PCDH7: variants seen among roughly 807,000 people sequenced by gnomAD.
PCDH7 encodes protocadherin 7.
In PCDH7, 17 loss-of-function variants were observed where a neutral mutation model predicts 58.9. That is an observed-to-expected ratio of 0.29 (90% confidence interval 0.20 to 0.43). The LOEUF (loss-of-function observed/expected upper bound fraction) is 0.43. PCDH7 is among the 20% of genes least tolerant of loss of function. The probability of loss-of-function intolerance (pLI) is 1.00; values close to 1 mark genes in which losing one functional copy is unlikely to be tolerated. For synonymous variants in PCDH7, 664 were observed against 616.4 expected (o/e 1.08, Z -1.14); for missense variants, 1,274 against 1,441.0 (o/e 0.88, Z 1.88).
intron 2 of PCDH7, among the ~76,000 whole-genome samples, chr4:30,931,823 C>CT (rs59504939): frequency 0.026 from 3,711 of 140,192 alleles, 155 homozygotes; most frequent in African/African-American, 0.087. Flanking sequence ...TTTTTCAGGA[C>CT]TTTTTTTTTT....
chr4:30,767,210 A>G (rs779288197), intron 1 of PCDH7, among the ~76,000 whole-genome samples: 8 of 152,240 alleles, frequency 5.3e-5, no homozygotes, highest in Non-Finnish European at 1.0e-4. Flanking sequence ...ATAGCAGGGT[A>G]TGGATTTGTG....
chr4:30,914,433 T>C (rs991058159), intron 1 of PCDH7, among the ~76,000 whole-genome samples: 2 of 152,190 alleles, frequency 1.3e-5, no homozygotes, highest in Non-Finnish European at 2.9e-5. Context: ...CCAAAATAAC[T>C]GAATAGAGAA....
chr4:30,901,703 T>A (rs1740238422), intron 1 of PCDH7, among the ~76,000 whole-genome samples: 1 of 152,154 alleles, frequency 6.6e-6, no homozygotes, highest in African/African-American at 2.4e-5. Flanking sequence ...GAGTTCAAAC[T>A]GGATGTCTAA....
At chr4:30,920,087 AT>A in intron 1 of PCDH7, 65 bp from the exon 2 acceptor site, 1 of 1,210,592 alleles carries the variant, frequency 8.3e-7, no homozygotes, top group South Asian at 1.3e-5. Context: ...TAATTTATGT[AT>A]TTTTTAAAAT....
intron 3 of PCDH7, among the ~76,000 whole-genome samples, chr4:31,139,805 T>C (rs1020367222): frequency 7.2e-5 from 11 of 152,340 alleles, no homozygotes; most frequent in Admixed American, 1.3e-4. Context: ...ATTATTTTTC[T>C]AAATTTGATG....
intron 1 of PCDH7, among the ~76,000 whole-genome samples, chr4:30,856,892 T>C (rs1733536635): frequency 6.6e-6 from 1 of 151,900 alleles, no homozygotes. Flanking sequence ...AATTGTGAAA[T>C]TGTACACTGA....
intron 3 of PCDH7, among the ~76,000 whole-genome samples, chr4:31,135,840 C>G (rs950677473): frequency 3.3e-5 from 5 of 152,104 alleles, no homozygotes; most frequent in Admixed American, 1.3e-4. Flanking sequence ...GAAGGGGGAA[C>G]AAGATCCTTT....
chr4:30,930,205 G>A (rs1444603719), intron 2 of PCDH7, among the ~76,000 whole-genome samples: 1 of 152,192 alleles, frequency 6.6e-6, no homozygotes, highest in Non-Finnish European at 1.5e-5. Flanking sequence ...GGTTTGAAGG[G>A]TGGAAAAGTA....
chr4:31,105,012 C>T (rs970845029), intron 3 of PCDH7, among the ~76,000 whole-genome samples: 4 of 152,184 alleles, frequency 2.6e-5, no homozygotes, highest in African/African-American at 9.6e-5. Flanking sequence ...TCAAAGACTT[C>T]ATTTGAACTT....
chr4:30,752,118 T>C (rs988322732), intron 1 of PCDH7, among the ~76,000 whole-genome samples: 3 of 152,102 alleles, frequency 2.0e-5, no homozygotes, highest in Non-Finnish European at 1.5e-5. Flanking sequence ...TCTTTATTAC[T>C]TTTTTTCTTT....
chr4:30,964,563 A>T (rs1748817344), intron 3 of PCDH7, among the ~76,000 whole-genome samples: 1 of 150,448 alleles, frequency 6.6e-6, no homozygotes. Flanking sequence ...TTATTTGGGG[A>T]CTTACTGAAT....
At chr4:31,144,753 C>A (rs1429556654), downstream of PCDH7, 1 of 151,996 alleles carries the variant, frequency 6.6e-6, no homozygotes, top group Non-Finnish European at 1.5e-5. Flanking sequence ...ATGGAGTTTT[C>A]ATTTTGATGT....
chr4:31,110,677 A>T (rs2109310877), intron 3 of PCDH7, among the ~76,000 whole-genome samples: 1 of 152,240 alleles, frequency 6.6e-6, no homozygotes, highest in African/African-American at 2.4e-5. Context: ...GCGCTTTAGG[A>T]GGCCGAGTCG....
At chr4:30,833,094 T>TTA (rs1210647859) in intron 1 of PCDH7, among the ~76,000 whole-genome samples, 5 of 152,162 alleles carry the variant, frequency 3.3e-5, no homozygotes, top group Non-Finnish European at 7.3e-5. Context: ...GCTGGAGGGC[T>TTA]TATTTGGAAT....
At chr4:31,089,248 A>G (rs1712902120) in intron 3 of PCDH7, among the ~76,000 whole-genome samples, 1 of 152,148 alleles carries the variant, frequency 6.6e-6, no homozygotes, top group South Asian at 2.1e-4. Flanking sequence ...ATTATAAACC[A>G]TAAAAATGTT....
chr4:31,143,752 C>G (rs952886698), downstream of PCDH7: 1 of 152,122 alleles, frequency 6.6e-6, no homozygotes, highest in African/African-American at 2.4e-5. Context: ...CGTGGAAAAC[C>G]ATTAAACAAC....
chr4:30,991,053 C>T (rs1751424642), intron 3 of PCDH7, among the ~76,000 whole-genome samples: 1 of 151,798 alleles, frequency 6.6e-6, no homozygotes, highest in African/African-American at 2.4e-5. Context: ...CTGCTTTGTC[C>T]ACTTCTTCAT....
chr4:31,017,981 C>T (rs1278326102), intron 3 of PCDH7, among the ~76,000 whole-genome samples: 1 of 152,118 alleles, frequency 6.6e-6, no homozygotes, highest in Non-Finnish European at 1.5e-5. Context: ...AAGACAATTT[C>T]AGTCTTGTTT....
At position 30,892,740 on chromosome 4, in the gene PCDH7, T is replaced by TG. The variant is rs1191493428; in HGVS notation, c.71-27409dup. Reference sequence around the variant, plus strand: ...TATGTTAATATGAATTGTCTTATTTTGGGGTATTGAATGTCATGCTTGTAG... The same window carrying TG: ...TATGTTAATATGAATTGTCTTATTTTGGGGGTATTGAATGTCATGCTTGTAG... On this transcript the variant is annotated intron_variant, in intron 1 of 3. Transcript: ENST00000509759. 2.0e-5 allele frequency among the ~76,000 whole-genome samples: 3 copies of TG among 152,062 alleles called. No individual in the cohort carries two copies. The East Asian group carries it at 5.8e-4, about 29-fold the overall frequency.
Sources: allele counts gnomAD v4.1 joint callset (sites outside exome capture counted in the v4.1 genomes callset), GRCh38; gene constraint gnomAD v4.1.1; transcripts MANE v1.5; gene names NCBI Gene and HGNC (gene_info 2026-07-23, HGNC 2026-07-21).